SNX5: variants seen among roughly 807,000 people sequenced by gnomAD.
SNX5 encodes sorting nexin 5, also known as sorting nexin-5.
Under a neutral mutation model 53.9 loss-of-function variants are expected in SNX5, and 31 were observed. The observed-to-expected ratio is 0.58, with a 90% CI of 0.43 to 0.78. The LOEUF is 0.78. Ranked by LOEUF, SNX5 falls within the 30% of genes least tolerant of loss-of-function variation. SNX5 has a pLI of 0.00. For missense variants in SNX5, 471 were observed against 478.8 expected (o/e 0.98, Z 0.15); for synonymous variants, 168 against 171.1 (o/e 0.98, Z 0.14).
chr20:17,968,380 T>C lies in SNX5; in HGVS notation c.46A>G (p.Ser16Gly). 1.6e-6 allele frequency: 2 copies of C among 1,277,320 alleles called. No individual in the cohort carries two copies. Among genetic ancestry groups the C allele is most frequent in the Non-Finnish European group, 2.0e-6 (2 of 1,008,164 alleles). The allele number at this position is 1,277,320 out of a possible 1,614,324, so 79.1% of individuals were successfully genotyped here. The change falls in exon 1 of 13, where the codon AGC becomes GGC. Residue 16 changes from serine to glycine, a missense_variant. Coordinates refer to ENST00000377759, the MANE Select transcript of SNX5 (RefSeq NM_014426.4). ...TGAGGCTGGGAGGACCTCACCTTGC[T>C]GCGGTCCTCCTCCTGCTGCTGCAGC... ...ELLQQQEEDR[S>G]KLRSVSVDLN...
In SNX5 at chr20:17,947,480, C is replaced by T. The variant is rs774230589; in HGVS notation, c.1078+6G>A. The T allele has an allele frequency of 1.9e-6, 3 of 1,611,702 alleles. No homozygotes were observed. Among genetic ancestry groups the T allele is most frequent in the Non-Finnish European group, 2.5e-6 (3 of 1,179,066 alleles). On this transcript the variant is annotated splice_donor_region_variant and intron_variant, in intron 11 of 12. Coordinates refer to ENST00000377759, the MANE Select transcript of SNX5 (RefSeq NM_014426.4). ...ACAGTACAGAAAGAAGAATGTCCTG[C>T]TCAACCTTCTTTTGCAGATTCGGAA...
intron 8 of SNX5, 115 bp from the exon 9 acceptor site, chr20:17,949,218 A>T: frequency 1.2e-6 from 1 of 832,770 alleles, no homozygotes; most frequent in South Asian, 1.6e-5. Context: ...TTGGTACTTT[A>T]GCATTAATTT....
intron 11 of SNX5, chr20:17,947,059 G>T (rs6080912): frequency 0.096 from 14,891 of 155,344 alleles, 878 homozygotes; most frequent in Middle Eastern, 0.15. Flanking sequence ...CAGAGTAAAG[G>T]AGACTAATAG....
chr20:17,942,857 AG>A (rs1295978941), intron 12 of SNX5: 1 of 416,034 alleles, frequency 2.4e-6, no homozygotes, highest in African/African-American at 2.1e-5. Flanking sequence ...CAGGGGTTCA[AG>A]TCCAGCCTGG....
At chr20:17,961,570 G>C in intron 1 of SNX5, 1 of 982,902 alleles carries the variant, frequency 1.0e-6, no homozygotes, top group Non-Finnish European at 1.2e-6. Context: ...GTGCTAGCCT[G>C]TATTTTCCTA....
intron 8 of SNX5, among the ~76,000 whole-genome samples, chr20:17,949,914 A>G (rs1036800034): frequency 6.6e-6 from 1 of 152,208 alleles, no homozygotes; most frequent in Non-Finnish European, 1.5e-5. Context: ...GACAACATTT[A>G]CTGTATTTGT....
chr20:17,951,278 C>T (rs1276313648), intron 6 of SNX5: 3 of 497,406 alleles, frequency 6.0e-6, no homozygotes, highest in African/African-American at 3.9e-5. Flanking sequence ...GAAAATGAAG[C>T]CAAGTGTGGA....
rs1374117869 is a variant in SNX5 at position 17,941,899 on chromosome 20, A to G, written c.*458T>C. On this transcript the variant is annotated 3_prime_UTR_variant, in exon 13 of 13. Coordinates refer to ENST00000377759, the MANE Select transcript of SNX5 (RefSeq NM_014426.4). ...AACACCAGATGACTACCAGTGGAGTAACAGGGCAAAACAAAAACACAAACC... is the reference window on the plus strand; with the variant it reads ...AACACCAGATGACTACCAGTGGAGTGACAGGGCAAAACAAAAACACAAACC... 6.4e-6 allele frequency: 1 copy of G among 156,770 alleles called. No individual in the cohort carries two copies. Among genetic ancestry groups the G allele is most frequent in the African/African-American group, 2.4e-5 (1 of 41,494 alleles). 9.7% of individuals were successfully genotyped at this position (156,770 alleles called of 1,614,324 possible). A position where few individuals can be genotyped will look rare whatever the true frequency, so the allele number is the denominator to read the frequency against.
In SNX5 at chr20:17,952,651, A is replaced by T; in HGVS notation, c.449T>A (p.Leu150His). 4 of 1,614,162 alleles carry T rather than the reference A, an allele frequency of 2.5e-6. No individual in the cohort carries two copies. Among genetic ancestry groups the T allele is most frequent in the Non-Finnish European group, 3.4e-6 (4 of 1,179,996 alleles). ...VSSHEVFLQR[L>H]SSHPVLSKDR... The stretch of plus-strand genomic sequence containing the variant: ...TTTACTGAGAACAGGGTGAGAAGAA[A>T]GCCGCTGAAGAAAGACTTCATGGGA... The change falls in exon 5 of 13, where the codon CTT becomes CAT. Residue 150 changes from leucine to histidine, a missense_variant. Leu to His is a moderately conservative substitution (Grantham distance 99). Transcript: ENST00000377759.
chr20:17,952,667 C>T lies in SNX5; in HGVS notation c.433G>A (p.Val145Ile). ...VFKKTVSSHE[V>I]FLQRLSSHPV... ...TGAGAAGAAAGCCGCTGAAGAAAGA[C>T]TTCATGGGAGGACACAGTCTTCTTA... is the stretch of plus-strand genomic sequence containing the variant. Residue 145 changes from valine to isoleucine, a missense_variant, in exon 5 of 13, where the codon GTC (valine) becomes ATC (isoleucine). Transcript: ENST00000377759. The T allele has an allele frequency of 6.2e-7, 1 of 1,614,078 alleles. No homozygotes were observed. Among genetic ancestry groups the T allele is most frequent in the Non-Finnish European group, 8.5e-7 (1 of 1,179,990 alleles).
At chr20:17,964,314 C>T (rs1425680771) in intron 1 of SNX5, among the ~76,000 whole-genome samples, 2 of 146,438 alleles carry the variant, frequency 1.4e-5, no homozygotes, top group African/African-American at 4.9e-5. Context: ...AGAAACTGAG[C>T]TTTTCAGGCA....
rs775544916 is a variant in SNX5, at chr20:17,950,207, T to G, written c.716A>C (p.Asn239Thr). Residue 239 changes from asparagine (N) to threonine (T), a missense_variant and splice_region_variant, in exon 8 of 13, where the codon AAT (asparagine) becomes ACT (threonine). Transcript: ENST00000377759. Reference protein sequence around the residue: ...KADKMTRSHKNVADDYIHTAA... With the variant: ...KADKMTRSHKTVADDYIHTAA... ...GGTGTGGATATAGTCATCGGCAACA[T>G]CTGCAGAAACAAGGACAAGTCTTTT... 1 of 1,614,170 alleles carries G rather than the reference T, an allele frequency of 6.2e-7. No homozygotes were observed.
intron 1 of SNX5, chr20:17,962,654 T>C (rs1384837619): frequency 1.1e-5 from 5 of 456,306 alleles, no homozygotes; most frequent in Non-Finnish European, 1.8e-5. Context: ...ACATAGCTAA[T>C]AGCTATTAAA....
At chr20:17,955,568 T>C in intron 2 of SNX5, 93 bp from the exon 3 acceptor site, 5 of 753,598 alleles carry the variant, frequency 6.6e-6, no homozygotes, top group South Asian at 6.2e-5. Flanking sequence ...TTCTGCATAA[T>C]ACATCATAAT....
intron 1 of SNX5, among the ~76,000 whole-genome samples, chr20:17,957,360 T>C (rs1372499813): frequency 6.7e-6 from 1 of 148,944 alleles, no homozygotes; most frequent in Non-Finnish European, 1.5e-5. Flanking sequence ...GCCTGAACAC[T>C]GGAGGCGGAG....
rs1193090244 is a variant in SNX5 at position 17,952,588 on chromosome 20, T to A, written c.512A>T (p.Asp171Val). The A allele has an allele frequency of 6.2e-7, 1 of 1,613,636 alleles. No homozygotes were observed. Among genetic ancestry groups the A allele is most frequent in the South Asian group, 1.1e-5 (1 of 90,986 alleles). ...CAAAATGGAATAAAAATGCCTTACA[T>A]CCTGATCATATTCCAGGAAAACATG... is the stretch of plus-strand genomic sequence containing the variant. ...NFHVFLEYDQ[D>V]LSVRRKNTKE... Residue 171 changes from aspartate to valine, a missense_variant and splice_region_variant, in exon 5 of 13, where the codon GAT (aspartate) becomes GTT (valine). Physicochemically the swap from Asp to Val is radical, Grantham distance 152 (BLOSUM62 -3). Transcript: ENST00000377759.
At chr20:17,959,006 C>G (rs2035408014) in intron 1 of SNX5, among the ~76,000 whole-genome samples, 1 of 152,194 alleles carries the variant, frequency 6.6e-6, no homozygotes, top group South Asian at 2.1e-4. Context: ...TCTAAGGTGC[C>G]TTTCCCAGAG....
chr20:17,957,095 CAA>C, intron 1 of SNX5, 58 bp from the exon 2 acceptor site: 1 of 1,003,208 alleles, frequency 1.0e-6, no homozygotes, highest in Non-Finnish European at 1.6e-6. Context: ...AAAATTATTC[CAA>C]AAATGAGTAG....
At chr20:17,968,137 G>A (rs2035590148) in intron 1 of SNX5, 1 of 400,400 alleles carries the variant, frequency 2.5e-6, no homozygotes. Context: ...GCCTGAGCTG[G>A]GGCTAAGGTC....
Sources: allele counts gnomAD v4.1 joint callset (sites outside exome capture counted in the v4.1 genomes callset), GRCh38; gene constraint gnomAD v4.1.1; transcripts MANE v1.5; gene names NCBI Gene and HGNC (gene_info 2026-07-23, HGNC 2026-07-21).